The following ZNF30 variants were observed in gnomAD, a reference collection of about 807,000 sequenced individuals.
The protein encoded by ZNF30 is zinc finger protein 30 (KOX 28).
ZNF30 carries 15 observed loss-of-function variants against 13.2 expected under a neutral mutation model. The observed-to-expected ratio is 1.13, with a 90% CI of 0.76 to 1.75. The LOEUF (loss-of-function observed/expected upper bound fraction) is 1.75, where lower values mean the gene tolerates loss of function less well. Among genes scored for constraint, ZNF30 ranks in the 40% most tolerant of loss-of-function variants. ZNF30 has a pLI of 0.00. For missense variants in ZNF30, 726 were observed against 757.0 expected (o/e 0.96, Z 0.48); for synonymous variants, 223 against 256.6 (o/e 0.87, Z 1.25).
At chr19:34,927,255 C>G in intron 1 of ZNF30, 39 bp downstream of exon 1, 1 of 366,060 alleles carries the variant, frequency 2.7e-6, no homozygotes, top group Non-Finnish European at 4.9e-6. Context: ...CCCGGGCCGG[C>G]GAGTGCGGGA....
chr19:34,931,031 CTTTTTTTCT>C (rs1317060534), intron 2 of ZNF30, among the ~76,000 whole-genome samples: 7 of 140,326 alleles, frequency 5.0e-5, no homozygotes, highest in South Asian at 2.3e-4. Flanking sequence ...TTTTTTTTTT[CTTTTTTTCT>C]TTTTTTTTTT....
At chr19:34,932,083 C>T (rs568839400) in intron 3 of ZNF30, 90 bp downstream of exon 3, 6 of 1,160,112 alleles carry the variant, frequency 5.2e-6, no homozygotes, top group Middle Eastern at 2.4e-4. Context: ...GAACTGAACA[C>T]GATTTCTTCT....
chr19:34,931,847 A>C lies in ZNF30; in HGVS notation c.14A>C (p.Tyr5Ser). The change falls in exon 3 of 5, where the codon TAT (tyrosine) becomes TCT (serine). Residue 5 changes from tyrosine to serine, a missense_variant. Transcript: ENST00000601142. MAHK[Y>S]VGLQYHGSVT... ...CATTTTCTTTGATTTTACCAGAAAT[A>C]TGTGGGTTTGCAGTATCACGGATCA... 6.2e-7 allele frequency: 1 copy of C among 1,608,416 alleles called. No individual in the cohort carries two copies. Among genetic ancestry groups the C allele is most frequent in the Non-Finnish European group, 8.5e-7 (1 of 1,178,396 alleles).
upstream of ZNF30, among the ~76,000 whole-genome samples, chr19:34,924,993 C>T (rs765124149): frequency 2.0e-5 from 3 of 152,190 alleles, no homozygotes; most frequent in African/African-American, 4.8e-5. Context: ...TGCGAGGCTA[C>T]TTAGGTTGAT....
chr19:34,944,771 G>C lies in ZNF30; in HGVS notation c.1805G>C (p.Gly602Ala), dbSNP rs374267957. 1.2e-6 allele frequency: 2 copies of C among 1,613,498 alleles called. No individual in the cohort carries two copies. Among genetic ancestry groups the C allele is most frequent in the African/African-American group, 2.7e-5 (2 of 74,878 alleles). ...GEKPFKCKKCGKTFRYSSALK... is the reference protein window; with the variant it reads ...GEKPFKCKKCAKTFRYSSALK... ...AAACCCTTTAAATGCAAAAAATGTG[G>C]GAAGACCTTTAGATACAGTTCAGCC... The change falls in exon 5 of 5, where the codon GGG becomes GCG. Residue 602 changes from glycine to alanine, a missense_variant. Transcript: ENST00000601142.
intron 1 of ZNF30, among the ~76,000 whole-genome samples, chr19:34,929,449 ACTGC>A (rs1412843534): frequency 1.3e-5 from 2 of 152,198 alleles, no homozygotes; most frequent in Non-Finnish European, 2.9e-5. Flanking sequence ...CATATTAGTA[ACTGC>A]CTGATCATTT....
In ZNF30 at chr19:34,943,388, T is replaced by C; in HGVS notation, c.422T>C (p.Ile141Thr). 6.2e-7 allele frequency: 1 copy of C among 1,613,980 alleles called. No individual in the cohort carries two copies. The highest frequency in any genetic ancestry group is 1.3e-5 in the African/African-American group (1 of 75,040). ...QDSKPVQHERIHSSEKPNRCK... is the reference protein window; with the variant it reads ...QDSKPVQHERTHSSEKPNRCK... Reference sequence around the variant, plus strand: ...TCAAAGCCTGTTCAACATGAAAGAATACATAGTAGTGAAAAACCCAACAGA... The same window carrying C: ...TCAAAGCCTGTTCAACATGAAAGAACACATAGTAGTGAAAAACCCAACAGA... Residue 141 changes from isoleucine (I) to threonine (T), a missense_variant, in exon 5 of 5, where the codon ATA becomes ACA. Coordinates refer to ENST00000601142, the MANE Select transcript of ZNF30 (RefSeq NM_194325.3).
chr19:34,944,718 T>C lies in ZNF30; in HGVS notation c.1752T>C (p.Thr584=). 6.2e-7 allele frequency: 1 copy of C among 1,612,574 alleles called. No homozygotes were observed. Among genetic ancestry groups the C allele is most frequent in the Non-Finnish European group, 8.5e-7 (1 of 1,178,820 alleles). Residue 584 remains threonine (T), a synonymous_variant, in exon 5 of 5, where the codon ACT becomes ACC. Coordinates refer to ENST00000601142, the MANE Select transcript of ZNF30 (RefSeq NM_194325.3). ...GKAFRLNSFL[T]EHQRVHTGEK... is the part of the protein sequence containing the mutation. ...CCTTTAGACTTAATTCATTCCTTACTGAACATCAGCGGGTACACACTGGTG... is the reference window on the plus strand; with the variant it reads ...CCTTTAGACTTAATTCATTCCTTACCGAACATCAGCGGGTACACACTGGTG...
chr19:34,941,521 A>G (rs1203726812), intron 4 of ZNF30, among the ~76,000 whole-genome samples: 3 of 152,220 alleles, frequency 2.0e-5, no homozygotes, highest in African/African-American at 7.2e-5. Context: ...CTGGTTTCCC[A>G]AAGTGCTGGG....
intron 2 of ZNF30, among the ~76,000 whole-genome samples, chr19:34,931,374 A>T (rs1282550750): frequency 1.3e-5 from 2 of 152,252 alleles, no homozygotes; most frequent in East Asian, 1.9e-4. Flanking sequence ...TAATATAAGG[A>T]AAAACACTTA....
At chr19:34,931,265 G>A (rs2012438317) in intron 2 of ZNF30, among the ~76,000 whole-genome samples, 1 of 152,014 alleles carries the variant, frequency 6.6e-6, no homozygotes, top group African/African-American at 2.4e-5. Flanking sequence ...TCGAACTCCT[G>A]ACCTCGTGTG....
chr19:34,925,028 T>TC (rs1224021024), upstream of ZNF30, among the ~76,000 whole-genome samples: 1 of 152,190 alleles, frequency 6.6e-6, no homozygotes, highest in Admixed American at 6.5e-5. Context: ...AGTTCCCTTG[T>TC]CCCCCTGGCA....
At chr19:34,928,416 T>G (rs930646358) in intron 1 of ZNF30, among the ~76,000 whole-genome samples, 1 of 151,834 alleles carries the variant, frequency 6.6e-6, no homozygotes, top group Non-Finnish European at 1.5e-5. Context: ...CAGTCAACCA[T>G]GATCTGAAAA....
intron 4 of ZNF30, among the ~76,000 whole-genome samples, chr19:34,938,718 C>T (rs186147233): frequency 1.3e-5 from 2 of 152,222 alleles, no homozygotes; most frequent in East Asian, 1.9e-4. Flanking sequence ...GGCTCAACTG[C>T]GCATTCAGAC....
At position 34,931,715 on chromosome 19, in the gene ZNF30, A is replaced by G. The variant is rs1481622018; in HGVS notation, c.10-128A>G. On this transcript the variant is annotated intron_variant, in intron 2 of 4. Transcript: ENST00000601142. The stretch of plus-strand genomic sequence containing the variant: ...GATTCTTCCAGAACATGCAGATACC[A>G]TGCTCATCCACTTGCCACATCATAA... 3 of 848,706 alleles carry G rather than the reference A, an allele frequency of 3.5e-6. No homozygotes were observed. The East Asian group carries it at 8.3e-5, about 23-fold the overall frequency. The allele number at this position is 848,706 out of a possible 1,614,324, so 52.6% of individuals were successfully genotyped here. A position where few individuals can be genotyped will look rare whatever the true frequency, so the allele number is the denominator to read the frequency against.
intron 1 of ZNF30, among the ~76,000 whole-genome samples, chr19:34,929,072 G>T (rs2012293065): frequency 6.6e-6 from 1 of 152,132 alleles, no homozygotes; most frequent in African/African-American, 2.4e-5. Context: ...CACGAAGTCA[G>T]GAGATGGAGA....
Position 34,945,075 on chromosome 19 carries a change from TG to T in ZNF30, c.*239del. The T allele has an allele frequency of 5.6e-5, 25 of 446,886 alleles. No individual in the cohort carries two copies. Among genetic ancestry groups the T allele is most frequent in the South Asian group, 2.6e-4 (4 of 15,668 alleles). The allele number at this position is 446,886 out of a possible 1,614,324, so 27.7% of individuals were successfully genotyped here. A position where few individuals can be genotyped will look rare whatever the true frequency, so the allele number is the denominator to read the frequency against. ...AAAAGTGGGAAACGTTATTACTTAA[TG>T]GTTACAGCACTGACAGCATGAACTT... On this transcript the variant is annotated 3_prime_UTR_variant, in exon 5 of 5. Transcript: ENST00000601142.
At chr19:34,926,080 G>A (rs1280587321), upstream of ZNF30, among the ~76,000 whole-genome samples, 1 of 152,104 alleles carries the variant, frequency 6.6e-6, no homozygotes, top group East Asian at 1.9e-4. Context: ...AGGCCGAGGT[G>A]GGAGAATCAC....
chr19:34,941,084 T>C (rs2013023736), intron 4 of ZNF30, among the ~76,000 whole-genome samples: 1 of 152,232 alleles, frequency 6.6e-6, no homozygotes. Context: ...TTTGAACCAG[T>C]TGCCTATCCA....
Sources: allele counts gnomAD v4.1 joint callset (sites outside exome capture counted in the v4.1 genomes callset), GRCh38; gene constraint gnomAD v4.1.1; transcripts MANE v1.5; gene names NCBI Gene and HGNC (gene_info 2026-07-23, HGNC 2026-07-21).